CDKN2B-AS1: variants seen among roughly 807,000 people sequenced by gnomAD.
CDKN2B-AS1 encodes CDKN2B antisense RNA 1 (non-protein coding).
At chr9:22,010,786 C>G (rs1404400056) in intron 1 of CDKN2B-AS1, among the ~76,000 whole-genome samples, 1 of 152,170 alleles carries the variant, frequency 6.6e-6, no homozygotes, top group Non-Finnish European at 1.5e-5. Context: ...CTCTTATGCT[C>G]TTGTTTTGAC....
At chr9:22,077,779 T>G (rs1824553271) in intron 4 of CDKN2B-AS1, 1 of 152,196 alleles carries the variant, frequency 6.6e-6, no homozygotes, top group South Asian at 2.1e-4. Flanking sequence ...CATCACTGAT[T>G]AGCTGTATTA....
chr9:22,053,534 C>G (rs1210193033), intron 3 of CDKN2B-AS1, among the ~76,000 whole-genome samples: 1 of 152,170 alleles, frequency 6.6e-6, no homozygotes, highest in Non-Finnish European at 1.5e-5. Flanking sequence ...AGTTTTGGCC[C>G]TGACTATGTG....
chr9:22,010,751 A>G (rs575344647), intron 1 of CDKN2B-AS1, among the ~76,000 whole-genome samples: 2 of 152,156 alleles, frequency 1.3e-5, no homozygotes, highest in South Asian at 4.2e-4. Context: ...CCTAGTCTTC[A>G]GTTTCTTAAT....
At chr9:22,121,851 A>T (rs528126214) in intron 4 of CDKN2B-AS1, among the ~76,000 whole-genome samples, 1 of 152,160 alleles carries the variant, frequency 6.6e-6, no homozygotes, top group African/African-American at 2.4e-5. Context: ...GTACTGCAAT[A>T]AACATGGTCT....
At chr9:22,085,207 A>C (rs1824827589) in intron 4 of CDKN2B-AS1, among the ~76,000 whole-genome samples, 1 of 152,208 alleles carries the variant, frequency 6.6e-6, no homozygotes, top group South Asian at 2.1e-4. Context: ...AAAGTTTATC[A>C]GTTAATTAAG....
chr9:22,041,516 A>T (rs1214147681), intron 1 of CDKN2B-AS1, among the ~76,000 whole-genome samples: 4 of 152,116 alleles, frequency 2.6e-5, no homozygotes, highest in Non-Finnish European at 5.9e-5. Context: ...CCAGGAAAAC[A>T]TATAAAAGGG....
chr9:22,026,154 C>T (rs1822229221), intron 1 of CDKN2B-AS1, among the ~76,000 whole-genome samples: 1 of 151,866 alleles, frequency 6.6e-6, no homozygotes, highest in Non-Finnish European at 1.5e-5. Flanking sequence ...CTGGGGTTCC[C>T]CTTCCACCCC....
chr9:22,109,240 C>T (rs1825739733), intron 4 of CDKN2B-AS1, among the ~76,000 whole-genome samples: 1 of 152,176 alleles, frequency 6.6e-6, no homozygotes. Flanking sequence ...CCTACTTTCC[C>T]TATCAGCTGG....
chr9:22,111,106 ATTTATTTTATTTT>A (rs973813011), intron 4 of CDKN2B-AS1, among the ~76,000 whole-genome samples: 1 of 151,946 alleles, frequency 6.6e-6, no homozygotes, highest in African/African-American at 2.4e-5. Context: ...CATTTTATTT[ATTTATTTTATTTT>A]TTTGCTGTTA....
At chr9:22,016,086 G>T (rs1821742593) in intron 1 of CDKN2B-AS1, among the ~76,000 whole-genome samples, 1 of 152,100 alleles carries the variant, frequency 6.6e-6, no homozygotes, top group African/African-American at 2.4e-5. Context: ...CTGTGCAGAA[G>T]CTCTTTAGTT....
rs114034000 is a variant in CDKN2B-AS1 at position 21,996,365 on chromosome 9, C to T, written n.29+1204C>T. ...TAGATTTCACTCAGAATTTACCCAA[C>T]ACCGTGCTTTGTGCTGGGGCCACAT... On this transcript the variant is annotated intron_variant and non_coding_transcript_variant, in intron 1 of 4. Coordinates refer to ENST00000650946, the Ensembl canonical transcript of CDKN2B-AS1. The surrounding 1 kb of genome is among the most constrained non-coding windows in gnomAD (Gnocchi z 5.4). Among the ~76,000 whole-genome samples the T allele has an allele frequency of 1.3e-5, 2 of 152,176 alleles. No individual in the cohort carries two copies. Among genetic ancestry groups the T allele is most frequent in the African/African-American group, 2.4e-5 (1 of 41,434 alleles).
chr9:22,072,896 G>A (rs1824352775), intron 4 of CDKN2B-AS1, among the ~76,000 whole-genome samples: 1 of 152,096 alleles, frequency 6.6e-6, no homozygotes, highest in Non-Finnish European at 1.5e-5. Flanking sequence ...TTTAAATCGG[G>A]AATAATATTC....
At chr9:22,087,162 A>G (rs1228266147) in intron 4 of CDKN2B-AS1, among the ~76,000 whole-genome samples, 2 of 152,222 alleles carry the variant, frequency 1.3e-5, no homozygotes, top group Non-Finnish European at 2.9e-5. Flanking sequence ...AAGAGGTGCA[A>G]CTTTGCTTAT....
chr9:22,067,699 A>G (rs1824117083), intron 4 of CDKN2B-AS1, among the ~76,000 whole-genome samples: 1 of 152,170 alleles, frequency 6.6e-6, no homozygotes, highest in Non-Finnish European at 1.5e-5. Context: ...GGTTTCATAA[A>G]TGCTTGTTGA....
intron 4 of CDKN2B-AS1, among the ~76,000 whole-genome samples, chr9:22,115,267 T>A (rs1036609338): frequency 6.6e-6 from 1 of 152,208 alleles, no homozygotes; most frequent in African/African-American, 2.4e-5. Flanking sequence ...GTTCTACTTA[T>A]ACTTTCAAGG....
chr9:22,005,612 A>G lies in CDKN2B-AS1; in HGVS notation n.29+10451A>G. On this transcript the variant is annotated intron_variant and non_coding_transcript_variant, in intron 1 of 4. Coordinates refer to ENST00000650946, the Ensembl canonical transcript of CDKN2B-AS1. The surrounding 1 kb of genome is among the most constrained non-coding windows in gnomAD (Gnocchi z 4.9). ...TGCTAATCACTGCCTTCTCCCACTC[A>G]GCGCTGGAGTGGGAGATTCATCCAT... The G allele has an allele frequency of 6.8e-6, 3 of 438,822 alleles. No homozygotes were observed. The highest frequency in any genetic ancestry group is 4.6e-5 in the South Asian group (2 of 43,358). 27.2% of individuals were successfully genotyped at this position (438,822 alleles called of 1,614,324 possible).
At chr9:22,119,068 T>C (rs984004944) in intron 4 of CDKN2B-AS1, 5 of 152,166 alleles carry the variant, frequency 3.3e-5, no homozygotes. Context: ...TTGTTTTTGC[T>C]CTGTTACATT....
At chr9:22,086,401 C>T (rs1824869007) in intron 4 of CDKN2B-AS1, among the ~76,000 whole-genome samples, 1 of 152,082 alleles carries the variant, frequency 6.6e-6, no homozygotes, top group African/African-American at 2.4e-5. Context: ...TTATATCTAA[C>T]CTCAGTTTTT....
At chr9:22,083,148 T>C (rs939365111) in intron 4 of CDKN2B-AS1, among the ~76,000 whole-genome samples, 2 of 152,228 alleles carry the variant, frequency 1.3e-5, no homozygotes, top group African/African-American at 4.8e-5. Flanking sequence ...CTAAATCACA[T>C]TTAATAGATT....
Sources: allele counts gnomAD v4.1 joint callset (sites outside exome capture counted in the v4.1 genomes callset), GRCh38; gene constraint gnomAD v4.1.1; non-coding constraint Gnocchi (gnomAD v3.1); transcripts MANE v1.5; gene names NCBI Gene and HGNC (gene_info 2026-07-23, HGNC 2026-07-21).